Variants in EYS observed in about 807,000 individuals in gnomAD.
EYS encodes protein eyes shut homolog.
In EYS, 250 loss-of-function variants were observed where a neutral mutation model predicts 282.1. That is an observed-to-expected ratio of 0.89 (90% CI 0.80 to 0.98). The LOEUF (loss-of-function observed/expected upper bound fraction) is 0.98. Among genes scored for constraint, EYS ranks in the 50% least tolerant of loss-of-function variants. The pLI, the probability that EYS is intolerant of heterozygous loss-of-function variation, is 0.00. For synonymous variants in EYS, 1,355 were observed against 1,282.9 expected (o/e 1.06, Z -1.20); for missense variants, 4,016 against 3,709.0 (o/e 1.08, Z -2.15).
At chr6:64,455,488 A>C (rs1775527187) in intron 26 of EYS, among the ~76,000 whole-genome samples, 1 of 152,028 alleles carries the variant, frequency 6.6e-6, no homozygotes, top group Non-Finnish European at 1.5e-5. Context: ...CTGAACATGC[A>C]GGTATGTTAC....
At chr6:64,151,338 T>TAA (rs1774714900) in intron 31 of EYS, among the ~76,000 whole-genome samples, 1 of 114,762 alleles carries the variant, frequency 8.7e-6, no homozygotes, top group African/African-American at 4.5e-5. Flanking sequence ...TATATATATA[T>TAA]ATATATATAT....
intron 40 of EYS, among the ~76,000 whole-genome samples, chr6:63,773,496 G>A (rs1027178514): frequency 6.6e-6 from 1 of 152,190 alleles, no homozygotes; most frequent in South Asian, 2.1e-4. Flanking sequence ...TAATTTGATT[G>A]CAATGCAGAG....
At chr6:64,260,565 A>T (rs1474830) in intron 30 of EYS, among the ~76,000 whole-genome samples, 1 of 151,810 alleles carries the variant, frequency 6.6e-6, no homozygotes, top group African/African-American at 2.4e-5. Flanking sequence ...GTAAACATCT[A>T]TACTGATGAT....
At chr6:64,035,404 AG>A (rs1383117828) in intron 33 of EYS, among the ~76,000 whole-genome samples, 1 of 152,240 alleles carries the variant, frequency 6.6e-6, no homozygotes, top group Non-Finnish European at 1.5e-5. Context: ...TATGACTCAT[AG>A]GGAGGAGAAA....
chr6:64,938,621 G>A (rs1459627382), intron 15 of EYS, among the ~76,000 whole-genome samples: 1 of 151,502 alleles, frequency 6.6e-6, no homozygotes, highest in Non-Finnish European at 1.5e-5. Flanking sequence ...GCTTTCAGTG[G>A]AGTATTCAAT....
chr6:65,296,358 A>T (rs2150286605), intron 11 of EYS, among the ~76,000 whole-genome samples: 1 of 152,072 alleles, frequency 6.6e-6, no homozygotes, highest in South Asian at 2.1e-4. Context: ...TCTCAAAAAC[A>T]TATTCTGCCA....
chr6:64,263,019 G>A (rs1767638883), intron 30 of EYS, among the ~76,000 whole-genome samples: 1 of 151,986 alleles, frequency 6.6e-6, no homozygotes, highest in Non-Finnish European at 1.5e-5. Context: ...TTATAATTCT[G>A]CAGGCTATGG....
chr6:65,692,178 T>C (rs900030019), intron 1 of EYS, among the ~76,000 whole-genome samples: 7 of 150,428 alleles, frequency 4.7e-5, no homozygotes, highest in South Asian at 4.2e-4. Context: ...GAAAGTCAAA[T>C]ATTGCATATT....
chr6:64,487,947 T>C (rs796666212), intron 26 of EYS, among the ~76,000 whole-genome samples: 6 of 151,098 alleles, frequency 4.0e-5, no homozygotes, highest in African/African-American at 1.4e-4. Flanking sequence ...TCTAATGTAA[T>C]ATATGAACCC....
At chr6:64,894,730 G>A (rs1368718380) in intron 18 of EYS, among the ~76,000 whole-genome samples, 1 of 152,106 alleles carries the variant, frequency 6.6e-6, no homozygotes, top group East Asian at 1.9e-4. Context: ...TATGGTGAAA[G>A]AAAGATATTC....
chr6:65,470,101 C>A (rs971794139), intron 5 of EYS, among the ~76,000 whole-genome samples: 1 of 152,092 alleles, frequency 6.6e-6, no homozygotes, highest in Non-Finnish European at 1.5e-5. Context: ...GGACCGATAG[C>A]AAGCAAGAGA....
intron 36 of EYS, among the ~76,000 whole-genome samples, chr6:63,820,732 A>G (rs990591332): frequency 6.6e-6 from 1 of 152,208 alleles, no homozygotes; most frequent in Non-Finnish European, 1.5e-5. Flanking sequence ...CAATTTTGTC[A>G]TCAATTGTAC....
At chr6:65,290,494 A>T (rs559050611) in intron 12 of EYS, among the ~76,000 whole-genome samples, 131 of 151,368 alleles carry the variant, frequency 8.7e-4, no homozygotes, top group African/African-American at 3.0e-3. Flanking sequence ...ATACTTTTAA[A>T]TGTGAATATT....
intron 26 of EYS, among the ~76,000 whole-genome samples, chr6:64,447,997 C>T (rs1004382841): frequency 1.3e-4 from 20 of 152,250 alleles, no homozygotes; most frequent in Non-Finnish European, 2.5e-4. Flanking sequence ...ACATAAGTGC[C>T]GGACAGTGGG....
At chr6:63,825,791 G>A (rs914504263) in intron 36 of EYS, among the ~76,000 whole-genome samples, 1 of 152,140 alleles carries the variant, frequency 6.6e-6, no homozygotes, top group Non-Finnish European at 1.5e-5. Context: ...ACCCAAATGA[G>A]AAGGAACCAG....
At chr6:64,202,232 G>T (rs137973897) in intron 31 of EYS, among the ~76,000 whole-genome samples, 34 of 152,274 alleles carry the variant, frequency 2.2e-4, no homozygotes, top group Admixed American at 6.5e-4. Context: ...GAACTGCTCA[G>T]ATCAATCCCT....
Position 65,517,948 on chromosome 6 carries a change from G to A in EYS, c.-332-21955C>T, listed in dbSNP as rs117606503. On this transcript the variant is annotated intron_variant, in intron 2 of 42. Transcript: ENST00000503581. The stretch of plus-strand genomic sequence containing the variant: ...CTGCACTCAACAATCTTGATGTTTA[G>A]ATAGAAAAAATAAACAAAAAGCTAA... Among the ~76,000 whole-genome samples the A allele has an allele frequency of 8.4e-4, 127 of 151,988 alleles. 1 individual carries two copies. Among genetic ancestry groups the A allele is most frequent in the African/African-American group, 2.7e-3 (112 of 41,470 alleles).
At position 63,720,806 on chromosome 6, in the gene EYS, G is replaced by C. The variant is rs1381075062; in HGVS notation, c.9225C>G (p.Asn3075Lys). Reference protein sequence around the residue: ...ILSEDIDPHKNFVALNYDGIC... With the variant: ...ILSEDIDPHKKFVALNYDGIC... ...TGCCATCATAGTTTAGAGCCACAAA[G>C]TTTTTATGTGGATCAATATCCTCGG... is the stretch of plus-strand genomic sequence containing the variant. The change falls in exon 43 of 43, where the codon AAC (asparagine) becomes AAG (lysine). Residue 3075 changes from asparagine (N) to lysine (K), a missense_variant. Transcript: ENST00000503581. 7.7e-6 allele frequency: 12 copies of C among 1,550,906 alleles called. No homozygotes were observed. In the East Asian group the frequency reaches 2.9e-4, roughly 38 times the overall value.
chr6:64,713,425 T>C (rs1330850692), intron 22 of EYS: 1 of 152,176 alleles, frequency 6.6e-6, no homozygotes, highest in Non-Finnish European at 1.5e-5. Flanking sequence ...GCTTGATCTT[T>C]AAATGTCATT....
Sources: allele counts gnomAD v4.1 joint callset (sites outside exome capture counted in the v4.1 genomes callset), GRCh38; gene constraint gnomAD v4.1.1; transcripts MANE v1.5; gene names NCBI Gene and HGNC (gene_info 2026-07-23, HGNC 2026-07-21).